The following CREBBP variants were observed in gnomAD, a reference collection of about 807,000 sequenced individuals.
CREBBP encodes the protein CREB binding lysine acetyltransferase, also known as CREB-binding protein.
CREBBP carries 19 observed loss-of-function variants against 265.0 expected under a neutral mutation model. The ratio of observed to expected loss-of-function variants is 0.07; its 90% CI spans 0.05 to 0.11. The LOEUF is 0.11. Ranked by LOEUF, CREBBP falls within the 10% of genes least tolerant of loss-of-function variation. The pLI, the probability that CREBBP is intolerant of heterozygous loss-of-function variation, is 1.00. For missense variants in CREBBP, 2,525 were observed against 3,219.0 expected (o/e 0.78, Z 5.22); for synonymous variants, 1,457 against 1,223.7 (o/e 1.19, Z -3.98).
rs1184234631 is a variant in CREBBP at position 3,726,893 on chromosome 16, T to C, written c.*825A>G. Reference sequence around the variant, plus strand: ...GGTATTTTACCATTCTATACAGTGATTGAATCTTCTCGAGTTTCGTATTTA... The same window carrying C: ...GGTATTTTACCATTCTATACAGTGACTGAATCTTCTCGAGTTTCGTATTTA... On this transcript the variant is annotated 3_prime_UTR_variant, in exon 31 of 31. Coordinates refer to ENST00000262367, the MANE Select transcript of CREBBP (RefSeq NM_004380.3). 8.6e-6 allele frequency: 2 copies of C among 233,540 alleles called. No individual in the cohort carries two copies. 14.5% of individuals were successfully genotyped at this position (233,540 alleles called of 1,614,324 possible). A position where few individuals can be genotyped will look rare whatever the true frequency, so the allele number is the denominator to read the frequency against.
chr16:3,739,488 C>T, intron 25 of CREBBP, 90 bp downstream of exon 25: 2 of 1,493,996 alleles, frequency 1.3e-6, no homozygotes, highest in South Asian at 2.3e-5. Context: ...CCTATGAAGG[C>T]TCACAGGCTC....
chr16:3,799,777 A>G (rs2053676500), intron 3 of CREBBP, among the ~76,000 whole-genome samples: 1 of 152,230 alleles, frequency 6.6e-6, no homozygotes, highest in Non-Finnish European at 1.5e-5. Context: ...CATGTGGAGC[A>G]GGGGAATGGG....
intron 4 of CREBBP, 58 bp downstream of exon 4, chr16:3,793,325 GAAC>G: frequency 6.2e-7 from 1 of 1,610,378 alleles, no homozygotes. Context: ...GCTGCTGTAA[GAAC>G]AATAAAGGCA....
intron 2 of CREBBP, among the ~76,000 whole-genome samples, chr16:3,845,692 C>T (rs919834885): frequency 6.6e-6 from 1 of 151,812 alleles, no homozygotes; most frequent in African/African-American, 2.4e-5. Flanking sequence ...TCAGGACCAG[C>T]CTGGGCAACA....
chr16:3,822,937 G>C (rs546195186), intron 2 of CREBBP, among the ~76,000 whole-genome samples: 4 of 152,280 alleles, frequency 2.6e-5, no homozygotes, highest in Admixed American at 2.6e-4. Flanking sequence ...GAAGCGCCTA[G>C]AAAAGGGAGA....
At chr16:3,812,204 T>C (rs954445795) in intron 2 of CREBBP, among the ~76,000 whole-genome samples, 2 of 151,840 alleles carry the variant, frequency 1.3e-5, no homozygotes, top group Non-Finnish European at 2.9e-5. Context: ...TTTTTGAGAG[T>C]GTGTCACTCT....
intron 2 of CREBBP, among the ~76,000 whole-genome samples, chr16:3,846,620 A>G (rs1015533192): frequency 6.6e-6 from 1 of 152,210 alleles, no homozygotes; most frequent in Non-Finnish European, 1.5e-5. Flanking sequence ...TTCCTATTGT[A>G]CCTATGAAGA....
At chr16:3,757,509 A>G in intron 18 of CREBBP, 133 bp from the exon 19 acceptor site, 1 of 917,300 alleles carries the variant, frequency 1.1e-6, no homozygotes, top group Non-Finnish European at 1.7e-6. Flanking sequence ...CAATTTTAGT[A>G]GCTTTAAAGA....
chr16:3,739,333 CG>C (rs1253791018), intron 25 of CREBBP: 1 of 541,014 alleles, frequency 1.8e-6, no homozygotes, highest in Non-Finnish European at 3.3e-6. Flanking sequence ...GGTTTACCTG[CG>C]TTAGGTAAGA....
chr16:3,835,024 G>A (rs2141426750), intron 2 of CREBBP, among the ~76,000 whole-genome samples: 1 of 152,192 alleles, frequency 6.6e-6, no homozygotes, highest in South Asian at 2.1e-4. Flanking sequence ...CGGGCATGGT[G>A]GCAGGCGCCT....
At chr16:3,842,379 C>T (rs563800779) in intron 2 of CREBBP, among the ~76,000 whole-genome samples, 12 of 152,256 alleles carry the variant, frequency 7.9e-5, no homozygotes, top group African/African-American at 2.4e-4. Flanking sequence ...AGTGTCTGTA[C>T]GGCTTCTAAA....
At chr16:3,744,760 G>GA (rs2052300206) in intron 23 of CREBBP, 134 bp downstream of exon 23, 3 of 752,902 alleles carry the variant, frequency 4.0e-6, no homozygotes, top group Admixed American at 2.0e-5. Context: ...AAGTACTGGG[G>GA]AAAAAACTAA....
intron 22 of CREBBP, 97 bp downstream of exon 22, chr16:3,745,180 C>A: frequency 8.5e-7 from 1 of 1,174,960 alleles, no homozygotes. Context: ...TCGCTGAATT[C>A]TTGCTGACAA....
At chr16:3,875,650 G>C (rs1317025023) in intron 1 of CREBBP, among the ~76,000 whole-genome samples, 1 of 152,202 alleles carries the variant, frequency 6.6e-6, no homozygotes, top group East Asian at 1.9e-4. Context: ...TCAAGTAAAT[G>C]CATTGTTTAC....
intron 20 of CREBBP, among the ~76,000 whole-genome samples, chr16:3,750,219 A>G (rs2052442898): frequency 6.6e-6 from 1 of 152,212 alleles, no homozygotes; most frequent in Non-Finnish European, 1.5e-5. Flanking sequence ...CTCAGGCAAC[A>G]ATCCAATTAT....
chr16:3,853,333 G>A lies in CREBBP; in HGVS notation c.86-2324C>T, dbSNP rs189685742. 6.3e-3 allele frequency among the ~76,000 whole-genome samples: 959 copies of A among 152,308 alleles called. 9 individuals are homozygous for A. Among genetic ancestry groups the A allele is most frequent in the Non-Finnish European group, 6.8e-3 (460 of 68,024 alleles). On this transcript the variant is annotated intron_variant, in intron 1 of 30. Transcript: ENST00000262367. ...GTATAATACTTTAAAACATCAGGCC[G>A]GGTGCGGTGGCTCACGCCTGTAATC...
chr16:3,870,467 T>C (rs1342453136), intron 1 of CREBBP, among the ~76,000 whole-genome samples: 1 of 152,214 alleles, frequency 6.6e-6, no homozygotes, highest in Non-Finnish European at 1.5e-5. Context: ...AAGCCCTTGT[T>C]CTGAAGCAAT....
intron 28 of CREBBP, among the ~76,000 whole-genome samples, chr16:3,733,392 C>T (rs1451004440): frequency 2.0e-5 from 3 of 151,552 alleles, no homozygotes; most frequent in East Asian, 1.9e-4. Flanking sequence ...CCCACCCCAC[C>T]GACAAGCAGC....
chr16:3,791,896 C>T, intron 5 of CREBBP, 85 bp downstream of exon 5: 3 of 1,173,902 alleles, frequency 2.6e-6, no homozygotes, highest in Non-Finnish European at 3.8e-6. Flanking sequence ...ATAACCCCTG[C>T]CCACTCCCTA....
Sources: gnomAD v4.1 joint callset for allele counts (sites outside exome capture counted in the v4.1 genomes callset) on GRCh38, gnomAD v4.1.1 for gene constraint, MANE v1.5 for transcripts, NCBI Gene and HGNC (gene_info 2026-07-23, HGNC 2026-07-21) for gene names.